CDCA7: variants seen among roughly 807,000 people sequenced by gnomAD.
CDCA7 encodes cell division cycle associated 7, also known as cell division cycle-associated protein 7.
In CDCA7, 28 loss-of-function variants were observed where a neutral mutation model predicts 54.0. That is an observed-to-expected ratio of 0.52 (90% CI 0.38 to 0.71). The LOEUF (loss-of-function observed/expected upper bound fraction) is 0.71, where lower values mean the gene tolerates loss of function less well. Ranked by LOEUF, CDCA7 falls within the 30% of genes least tolerant of loss-of-function variation. The pLI, the probability that CDCA7 is intolerant of heterozygous loss-of-function variation, is 0.00. For synonymous variants in CDCA7, 180 were observed against 208.2 expected (o/e 0.86, Z 1.16); for missense variants, 484 against 586.0 (o/e 0.83, Z 1.80).
chr2:173,365,114 C>A, intron 6 of CDCA7, 125 bp downstream of exon 6: 1 of 1,367,466 alleles, frequency 7.3e-7, no homozygotes, highest in African/African-American at 1.5e-5. Flanking sequence ...TTTCCTCTAA[C>A]CATTCAGAAC....
At chr2:173,357,027 C>T (rs1686520002) in intron 1 of CDCA7, among the ~76,000 whole-genome samples, 1 of 152,214 alleles carries the variant, frequency 6.6e-6, no homozygotes, top group Non-Finnish European at 1.5e-5. Flanking sequence ...CACCTGACAT[C>T]TTACATCTTA....
intron 1 of CDCA7, chr2:173,356,035 G>T (rs1041841488): frequency 2.0e-5 from 3 of 152,232 alleles, no homozygotes; most frequent in African/African-American, 7.2e-5. Flanking sequence ...CTGAGCCTCA[G>T]TTTCCTCATT....
At position 173,361,943 on chromosome 2, in the gene CDCA7, A is replaced by G. The variant is rs184008483; in HGVS notation, c.385-1283A>G. Among the ~76,000 whole-genome samples the G allele has an allele frequency of 1.1e-3, 174 of 152,104 alleles. 2 individuals are homozygous for G. The highest frequency in any genetic ancestry group is 3.7e-3 in the African/African-American group (153 of 41,462). On this transcript the variant is annotated intron_variant, in intron 3 of 9. Coordinates refer to ENST00000306721, the MANE Select transcript of CDCA7 (RefSeq NM_031942.5). The stretch of plus-strand genomic sequence containing the variant: ...GCGATTCTCTTGCCTCAGCCTCCCA[A>G]GTAGCTGGGATTACAGGCGTGTGCC...
intron 1 of CDCA7, among the ~76,000 whole-genome samples, chr2:173,355,416 C>G (rs1378809902): frequency 6.6e-6 from 1 of 152,220 alleles, no homozygotes; most frequent in East Asian, 1.9e-4. Context: ...CTCGCCGCGT[C>G]TATACCCGCG....
chr2:173,365,769 CA>C (rs1686708819), intron 7 of CDCA7, among the ~76,000 whole-genome samples, 177 bp downstream of exon 7: 1 of 152,170 alleles, frequency 6.6e-6, no homozygotes, highest in African/African-American at 2.4e-5. Flanking sequence ...CCCTCTTTCA[CA>C]GTGGAATTAT....
In CDCA7 at chr2:173,364,118, GTTCT is replaced by G. The variant is rs559442682; in HGVS notation, c.699+231_699+234del. ...TGTGGCACTAAACTCCTTTTGATTGGTTCTTTCTTTCCTTCCCAGCTAGACTAAG... is the reference window on the plus strand; with the variant it reads ...TGTGGCACTAAACTCCTTTTGATTGGTTCTTTCCTTCCCAGCTAGACTAAG... On this transcript the variant is annotated intron_variant, in intron 5 of 9. Coordinates refer to ENST00000306721, the MANE Select transcript of CDCA7 (RefSeq NM_031942.5). 72 of 421,220 alleles carry G rather than the reference GTTCT, an allele frequency of 1.7e-4. No individual in the cohort carries two copies. The Admixed American group carries it at 2.2e-3, about 13-fold the overall frequency. The allele number at this position is 421,220 out of a possible 1,614,324, so 26.1% of individuals were successfully genotyped here. A position where few individuals can be genotyped will look rare whatever the true frequency, so the allele number is the denominator to read the frequency against.
intron 1 of CDCA7, among the ~76,000 whole-genome samples, chr2:173,355,668 A>AACCCCCCACCCCCC (rs554088581): frequency 7.5e-5 from 3 of 40,254 alleles, no homozygotes; most frequent in Non-Finnish European, 1.2e-4. Context: ...CCCAACCCCC[A>AACCCCCCACCCCCC]ACCCCCCACC....
Position 173,358,692 on chromosome 2 carries a change from A to T in CDCA7, c.22-20A>T. 6.2e-7 allele frequency: 1 copy of T among 1,610,550 alleles called. No individual in the cohort carries two copies. The highest frequency in any genetic ancestry group is 8.5e-7 in the Non-Finnish European group (1 of 1,178,378). ...TAAAGTAAGCATCACGCTTAATAGGATTGCTATTTCCATTTGCAGCAGAAA... is the reference window on the plus strand; with the variant it reads ...TAAAGTAAGCATCACGCTTAATAGGTTTGCTATTTCCATTTGCAGCAGAAA... On this transcript the variant is annotated intron_variant, in intron 1 of 9. Transcript: ENST00000306721.
chr2:173,362,486 AT>A (rs1382777712), intron 3 of CDCA7, among the ~76,000 whole-genome samples: 1 of 151,830 alleles, frequency 6.6e-6, no homozygotes, highest in Non-Finnish European at 1.5e-5. Flanking sequence ...TATATTATAT[AT>A]TTTTTAAAGT....
At position 173,365,425 on chromosome 2, in the gene CDCA7, C is replaced by G. The variant is rs2288993; in HGVS notation, c.895-27C>G. 1,329,027 of 1,560,960 alleles carry G rather than the reference C, an allele frequency of 0.85. 566,679 individuals carry two copies. The highest frequency in any genetic ancestry group is 0.96 in the East Asian group (41,663 of 43,238). ...CTTTCAGTTTTTCAGTTTTGAAGTT[C>G]TGTGTTTTGTATTCCTTGTAATGCA... is the stretch of plus-strand genomic sequence containing the variant. On this transcript the variant is annotated intron_variant, in intron 6 of 9. Transcript: ENST00000306721.
chr2:173,360,696 C>T (rs1360344149), intron 3 of CDCA7, among the ~76,000 whole-genome samples: 1 of 152,070 alleles, frequency 6.6e-6, no homozygotes, highest in Non-Finnish European at 1.5e-5. Flanking sequence ...AGGCTGGTCT[C>T]GAACTCCTAG....
At chr2:173,365,717 C>A in intron 7 of CDCA7, 125 bp downstream of exon 7, 1 of 1,102,808 alleles carries the variant, frequency 9.1e-7, no homozygotes, top group Non-Finnish European at 1.2e-6. Flanking sequence ...ATGTTTTTTT[C>A]ACACAAGGAA....
At chr2:173,360,554 C>T (rs1685411131) in intron 3 of CDCA7, among the ~76,000 whole-genome samples, 1 of 152,184 alleles carries the variant, frequency 6.6e-6, no homozygotes, top group South Asian at 2.1e-4. Flanking sequence ...TCATGGCTCA[C>T]TGCAGCCTCC....
chr2:173,360,724 G>A (rs972871850), intron 3 of CDCA7, among the ~76,000 whole-genome samples: 3 of 152,080 alleles, frequency 2.0e-5, no homozygotes, highest in South Asian at 2.1e-4. Flanking sequence ...CAATCCTCCC[G>A]TCTCGGCCTC....
At chr2:173,358,649 A>G in intron 1 of CDCA7, 63 bp from the exon 2 acceptor site, 1 of 1,555,950 alleles carries the variant, frequency 6.4e-7, no homozygotes, top group Non-Finnish European at 8.7e-7. Context: ...CTAAAAAAAA[A>G]TGATGTCTTT....
At chr2:173,355,421 C>A (rs1247360124) in intron 1 of CDCA7, among the ~76,000 whole-genome samples, 2 of 152,238 alleles carry the variant, frequency 1.3e-5, no homozygotes, top group African/African-American at 4.8e-5. Context: ...CGCGTCTATA[C>A]CCGCGCTCAG....
chr2:173,367,698 T>G lies in CDCA7; in HGVS notation c.*34T>G. On this transcript the variant is annotated 3_prime_UTR_variant, in exon 10 of 10. Coordinates refer to ENST00000306721, the MANE Select transcript of CDCA7 (RefSeq NM_031942.5). ...AAATTTGCTGCCTGCCTTCTACTTC[T>G]CAAATCTTTCTTGTAAAAGTTTCCA... 1 of 1,611,600 alleles carries G rather than the reference T, an allele frequency of 6.2e-7. No individual in the cohort carries two copies. Among genetic ancestry groups the G allele is most frequent in the South Asian group, 1.1e-5 (1 of 90,832 alleles).
intron 3 of CDCA7, among the ~76,000 whole-genome samples, chr2:173,362,793 G>A (rs749396809): frequency 6.6e-6 from 1 of 151,836 alleles, no homozygotes; most frequent in Non-Finnish European, 1.5e-5. Context: ...GCCCAGGCTG[G>A]TCTCGAACTC....
chr2:173,356,178 G>T (rs1686500820), intron 1 of CDCA7: 1 of 152,240 alleles, frequency 6.6e-6, no homozygotes, highest in African/African-American at 2.4e-5. Context: ...TGCCAAAGAA[G>T]TTCATCTCCG....
Sources: gnomAD v4.1 joint callset for allele counts (sites outside exome capture counted in the v4.1 genomes callset) on GRCh38, gnomAD v4.1.1 for gene constraint, MANE v1.5 for transcripts, NCBI Gene and HGNC (gene_info 2026-07-23, HGNC 2026-07-21) for gene names.